MACF1: variants seen among roughly 807,000 people sequenced by gnomAD.
MACF1 encodes the protein microtubule-actin cross-linking factor 1.
Under a neutral mutation model 854.8 loss-of-function variants are expected in MACF1, and 193 were observed. The ratio of observed to expected loss-of-function variants is 0.23; its 90% confidence interval spans 0.20 to 0.25. MACF1 has a LOEUF of 0.25. MACF1 is among the 10% of genes least tolerant of loss of function. MACF1 has a pLI of 1.00. For missense variants in MACF1, 7,722 were observed against 8,929.1 expected (o/e 0.86, Z 5.45); for synonymous variants, 3,185 against 3,226.7 (o/e 0.99, Z 0.44).
At chr1:39,278,150 C>CT (rs1645472809) in intron 6 of MACF1, among the ~76,000 whole-genome samples, 1 of 152,170 alleles carries the variant, frequency 6.6e-6, no homozygotes, top group African/African-American at 2.4e-5. Context: ...AGAAAGATCT[C>CT]TGAAACTAAA....
chr1:39,361,247 C>A, intron 48 of MACF1, 113 bp from the exon 49 acceptor site: 2 of 1,045,280 alleles, frequency 1.9e-6, no homozygotes, highest in Non-Finnish European at 2.8e-6. Context: ...ATTCTGGAGG[C>A]TCGGTTGCAG....
At chr1:39,269,676 C>G (rs1166612421) in intron 6 of MACF1, 1 of 1,289,636 alleles carries the variant, frequency 7.8e-7, no homozygotes, top group African/African-American at 1.5e-5. Flanking sequence ...GGATGGCACT[C>G]TTTCTCTGGA....
intron 40 of MACF1, among the ~76,000 whole-genome samples, chr1:39,345,718 A>G (rs1387558064): frequency 6.6e-6 from 1 of 152,238 alleles, no homozygotes; most frequent in Non-Finnish European, 1.5e-5. Flanking sequence ...AACCTAAGAA[A>G]GTACAATTAG....
chr1:39,372,411 A>C, intron 51 of MACF1, 68 bp from the exon 52 acceptor site: 1 of 837,326 alleles, frequency 1.2e-6, no homozygotes, highest in Non-Finnish European at 2.1e-6. Flanking sequence ...GTATATACAG[A>C]ACAGATGTCC....
chr1:39,341,836 C>A (rs538598527), intron 40 of MACF1, among the ~76,000 whole-genome samples: 17 of 151,118 alleles, frequency 1.1e-4, no homozygotes, highest in Non-Finnish European at 2.2e-4. Context: ...ATCTAGGATC[C>A]GTCCTTTGTT....
At chr1:39,459,744 A>G in intron 91 of MACF1, 2 of 1,028,316 alleles carry the variant, frequency 1.9e-6, no homozygotes, top group Non-Finnish European at 2.6e-6. Flanking sequence ...TATAAAAAAT[A>G]TAGTACTATG....
At chr1:39,159,039 C>G (rs1322563426) in intron 2 of MACF1, among the ~76,000 whole-genome samples, 1 of 152,142 alleles carries the variant, frequency 6.6e-6, no homozygotes, top group Non-Finnish European at 1.5e-5. Flanking sequence ...AGGCTTCAGG[C>G]TCCCTACCCT....
intron 2 of MACF1, among the ~76,000 whole-genome samples, chr1:39,150,959 T>A (rs1293024738): frequency 6.6e-6 from 1 of 152,232 alleles, no homozygotes; most frequent in East Asian, 1.9e-4. Flanking sequence ...TGGCTTCAAC[T>A]GCTGTGGTGA....
chr1:39,118,770 G>GCT (rs1158601189), intron 2 of MACF1, among the ~76,000 whole-genome samples: 16 of 151,718 alleles, frequency 1.1e-4, no homozygotes, highest in African/African-American at 3.9e-4. Context: ...GTATTAAGGG[G>GCT]GCTAATAAGC....
At chr1:39,160,579 G>A (rs530768) in intron 2 of MACF1, among the ~76,000 whole-genome samples, 14,209 of 152,214 alleles carry the variant, frequency 0.093, 1,733 homozygotes, top group African/African-American at 0.29. Flanking sequence ...AGTTTCTCTT[G>A]TTGACCCAAA....
Position 39,334,620 on chromosome 1 carries a change from G to A in MACF1, c.8032G>A (p.Ala2678Thr). 1 of 1,614,098 alleles carries A rather than the reference G, an allele frequency of 6.2e-7. No homozygotes were observed. Among genetic ancestry groups the A allele is most frequent in the Non-Finnish European group, 8.5e-7 (1 of 1,180,002 alleles). The change falls in exon 37 of 101, where the codon GCA becomes ACA. Residue 2678 changes from alanine (A) to threonine (T), a missense_variant. Coordinates refer to ENST00000564288, the MANE Select transcript of MACF1 (RefSeq NM_001394062.1). ...QAIQLGKVDF[A>T]STLKVLEAQA... is the part of the protein sequence containing the mutation. ...AATTCAGCTTGGAAAAGTAGACTTTGCATCTACGCTGAAGGTTCTAGAAGC... is the reference window on the plus strand; with the variant it reads ...AATTCAGCTTGGAAAAGTAGACTTTACATCTACGCTGAAGGTTCTAGAAGC...
At position 39,084,284 on chromosome 1, in the gene MACF1, T is replaced by TGAGCGATCTTACAGGAGC. The variant is rs755000600; in HGVS notation, c.72_89dup (p.Tyr26_Ser31dup). ...GTCGGAGTGAGCGGTCTTGTCGGAG[T>TGAGCGATCTTACAGGAGC]GAGCGATCTTACAGGAGCGAGCGGT... On this transcript the variant is annotated inframe_insertion, in exon 2 of 94. Coordinates refer to the MACF1 transcript ENST00000361689. This position sits in a 1 kb window ranked among gnomAD's most constrained non-coding sequence, Gnocchi z 5.2. 6.2e-7 allele frequency: 1 copy of TGAGCGATCTTACAGGAGC among 1,613,832 alleles called. No homozygotes were observed. The highest frequency in any genetic ancestry group is 1.7e-5 in the Admixed American group (1 of 60,012).
chr1:39,410,903 G>A (rs1190330988), intron 58 of MACF1: 2 of 1,613,996 alleles, frequency 1.2e-6, no homozygotes, highest in Non-Finnish European at 8.5e-7. Context: ...AAAAACTTAA[G>A]TGGAGACTGC....
intron 31 of MACF1, 91 bp from the exon 32 acceptor site, chr1:39,322,517 C>A: frequency 2.6e-6 from 3 of 1,143,830 alleles, no homozygotes; most frequent in South Asian, 1.3e-5. Context: ...GTCACCAAAA[C>A]GCTTCCAGCA....
At chr1:39,257,775 T>C in intron 5 of MACF1, 161 bp from the exon 6 acceptor site, 4 of 586,788 alleles carry the variant, frequency 6.8e-6, no homozygotes, top group Non-Finnish European at 1.2e-5. Context: ...GAAACTGTTT[T>C]GTGGTGGTAG....
At chr1:39,204,615 G>T (rs183079766), upstream of MACF1, 1 of 157,924 alleles carries the variant, frequency 6.3e-6, no homozygotes, top group African/African-American at 2.4e-5. Flanking sequence ...AGTTAAGAGT[G>T]TGACGTCCTC....
intron 71 of MACF1, among the ~76,000 whole-genome samples, chr1:39,438,955 T>C (rs1644042537): frequency 6.7e-6 from 1 of 148,414 alleles, no homozygotes; most frequent in Non-Finnish European, 1.5e-5. Context: ...TGGTGGCACA[T>C]GCCTGTTATC....
rs377671525 is a variant in MACF1, at chr1:39,411,402, A to C, written c.15817-10972A>C. On this transcript the variant is annotated intron_variant, in intron 58 of 100. Coordinates refer to ENST00000564288, the MANE Select transcript of MACF1 (RefSeq NM_001394062.1). ...TGGTGGAGGATGGATCCGATTGCTT[A>C]GCTGCTGTCTTGAGGACTTTTGGCC... The C allele has an allele frequency of 6.2e-6, 10 of 1,613,966 alleles. No individual in the cohort carries two copies. The South Asian group carries it at 9.9e-5, about 16-fold the overall frequency.
chr1:39,393,196 A>AAAATATATAT (rs57576149), intron 58 of MACF1, among the ~76,000 whole-genome samples: 6 of 66,566 alleles, frequency 9.0e-5, no homozygotes, highest in Admixed American at 1.6e-4. Flanking sequence ...AAAAAAAAAA[A>AAAATATATAT]ATATATATAT....
Sources: allele counts gnomAD v4.1 joint callset (sites outside exome capture counted in the v4.1 genomes callset), GRCh38; gene constraint gnomAD v4.1.1; non-coding constraint Gnocchi (gnomAD v3.1); transcripts MANE v1.5; gene names NCBI Gene and HGNC (gene_info 2026-07-23, HGNC 2026-07-21).